SULF1: variants seen among roughly 807,000 people sequenced by gnomAD.
SULF1 encodes the protein extracellular sulfatase Sulf-1.
A neutral mutation model predicts 110.5 loss-of-function variants in SULF1; 46 were observed. The observed-to-expected ratio is 0.42, with a 90% CI of 0.33 to 0.53. The LOEUF is 0.53. Ranked by LOEUF, SULF1 falls within the 20% of genes least tolerant of loss-of-function variation. The pLI, the probability that SULF1 is intolerant of heterozygous loss-of-function variation, is 0.12. For synonymous variants in SULF1, 371 were observed against 387.1 expected, an observed-to-expected ratio of 0.96 and a Z score of 0.49; for missense variants, 941 against 1,094.2, an observed-to-expected ratio of 0.86 and a Z score of 1.98.
chr8:69,530,260 C>T (rs1255647917), intron 3 of SULF1, among the ~76,000 whole-genome samples: 2 of 151,992 alleles, frequency 1.3e-5, no homozygotes, highest in South Asian at 2.1e-4. Flanking sequence ...ACATCAGGCT[C>T]TTTGAGCAAA....
chr8:69,529,832 G>A (rs1048113628), intron 3 of SULF1, among the ~76,000 whole-genome samples: 2 of 152,174 alleles, frequency 1.3e-5, no homozygotes, highest in East Asian at 1.9e-4. Flanking sequence ...AAGCTGCAAA[G>A]TTTATTAGGA....
intron 5 of SULF1, among the ~76,000 whole-genome samples, chr8:69,568,265 T>C (rs941594631): frequency 2.0e-5 from 3 of 152,228 alleles, no homozygotes; most frequent in African/African-American, 4.8e-5. Context: ...TAGAATACTT[T>C]TCTCACTGGG....
At chr8:69,656,636 T>C (rs1446011299) in intron 22 of SULF1, among the ~76,000 whole-genome samples, 1 of 152,210 alleles carries the variant, frequency 6.6e-6, no homozygotes, top group Non-Finnish European at 1.5e-5. Context: ...TCCATGTCCC[T>C]GAATAGGAAA....
intron 3 of SULF1, among the ~76,000 whole-genome samples, chr8:69,561,147 G>A (rs1243789551): frequency 2.0e-5 from 3 of 152,122 alleles, no homozygotes; most frequent in Non-Finnish European, 4.4e-5. Context: ...CAAAAAAAAT[G>A]ATAAGCATGT....
rs575663134 is a variant in SULF1, at chr8:69,567,018, A to G, written c.172+2871A>G. Among the ~76,000 whole-genome samples, 11 of 152,352 alleles carry G rather than the reference A, an allele frequency of 7.2e-5. No homozygotes were observed. The South Asian group carries it at 1.9e-3, about 26-fold the overall frequency. ...ACCTGTATTAGATCTGAGTCTCCAC[A>G]GCTACGTATTTAACCACTGTCCCTT... On this transcript the variant is annotated intron_variant, in intron 5 of 22. Coordinates refer to ENST00000402687, the MANE Select transcript of SULF1 (RefSeq NM_001128205.2).
chr8:69,473,080 T>G (rs939624320), intron 1 of SULF1, among the ~76,000 whole-genome samples: 1 of 152,010 alleles, frequency 6.6e-6, no homozygotes, highest in African/African-American at 2.4e-5. Context: ...CCTCAAGTGG[T>G]CCTCCCAGTT....
chr8:69,611,722 T>C (rs1286621267), intron 13 of SULF1, among the ~76,000 whole-genome samples: 2 of 152,214 alleles, frequency 1.3e-5, no homozygotes, highest in Non-Finnish European at 2.9e-5. Context: ...GAGAACATGA[T>C]TTGACCTGCA....
At chr8:69,542,472 C>T (rs1160358541) in intron 3 of SULF1, among the ~76,000 whole-genome samples, 1 of 151,916 alleles carries the variant, frequency 6.6e-6, no homozygotes, top group Non-Finnish European at 1.5e-5. Context: ...TGGCTTCCTT[C>T]TCCACTTTGA....
chr8:69,620,961 AACT>A, intron 13 of SULF1, 71 bp from the exon 14 acceptor site: 1 of 1,319,304 alleles, frequency 7.6e-7, no homozygotes, highest in Non-Finnish European at 1.0e-6. Flanking sequence ...AAAAGAAAAA[AACT>A]AAGGCAGCAG....
chr8:69,658,639 G>A lies in SULF1; in HGVS notation c.*104G>A, dbSNP rs780949359. 48 of 932,612 alleles carry A rather than the reference G, an allele frequency of 5.1e-5. No individual in the cohort carries two copies. In the South Asian group the frequency reaches 5.6e-4, roughly 11 times the overall value. 57.8% of individuals were successfully genotyped at this position (932,612 alleles called of 1,614,324 possible). A position where few individuals can be genotyped will look rare whatever the true frequency, so the allele number is the denominator to read the frequency against. On this transcript the variant is annotated 3_prime_UTR_variant, in exon 23 of 23. Transcript: ENST00000402687. ...CAGACAAAACTACAGACTTAGTCTG[G>A]TGGACTGGACTAATTACTTGAAGGA...
At chr8:69,587,084 A>G (rs1806519777) in intron 7 of SULF1, among the ~76,000 whole-genome samples, 1 of 152,224 alleles carries the variant, frequency 6.6e-6, no homozygotes. Flanking sequence ...GTTCAGAGAA[A>G]CTGAAATCAA....
intron 3 of SULF1, among the ~76,000 whole-genome samples, chr8:69,508,892 G>T (rs774221784): frequency 6.6e-6 from 1 of 152,120 alleles, no homozygotes; most frequent in East Asian, 1.9e-4. Flanking sequence ...TGCTGGAGGC[G>T]TTATAGGTAT....
At chr8:69,574,604 C>G (rs1246061476) in intron 5 of SULF1, among the ~76,000 whole-genome samples, 1 of 152,204 alleles carries the variant, frequency 6.6e-6, no homozygotes. Flanking sequence ...GAATTTATTA[C>G]TGAAGACCAG....
At chr8:69,505,580 G>A (rs2725095) in intron 3 of SULF1, among the ~76,000 whole-genome samples, 62,721 of 151,890 alleles carry the variant, frequency 0.41, 13,686 homozygotes, top group East Asian at 0.78. Context: ...CTAAATGTAG[G>A]TGGTTTTTAA....
intron 22 of SULF1, among the ~76,000 whole-genome samples, chr8:69,650,262 G>A (rs764354373): frequency 7.9e-5 from 12 of 151,858 alleles, no homozygotes; most frequent in South Asian, 2.1e-4. Flanking sequence ...TCAACCTCCC[G>A]AATTGCTGGG....
At chr8:69,596,899 C>T (rs1228576357) in intron 8 of SULF1, among the ~76,000 whole-genome samples, 2 of 152,140 alleles carry the variant, frequency 1.3e-5, no homozygotes, top group East Asian at 3.9e-4. Context: ...AATCTCTTAA[C>T]CCCTACAAGA....
At chr8:69,609,065 G>A (rs1488079154) in intron 13 of SULF1, among the ~76,000 whole-genome samples, 1 of 151,956 alleles carries the variant, frequency 6.6e-6, no homozygotes, top group Non-Finnish European at 1.5e-5. Flanking sequence ...GGCCGAGCAC[G>A]GCAGCTTATG....
intron 1 of SULF1, among the ~76,000 whole-genome samples, chr8:69,485,737 C>T (rs1809678994): frequency 6.6e-6 from 1 of 152,250 alleles, no homozygotes; most frequent in Non-Finnish European, 1.5e-5. Context: ...CGTTCCCACA[C>T]TCCTGCCCTC....
intron 14 of SULF1, among the ~76,000 whole-genome samples, chr8:69,622,429 A>G (rs536872773): frequency 6.6e-6 from 1 of 152,286 alleles, no homozygotes; most frequent in South Asian, 2.1e-4. Flanking sequence ...AATTACAAAA[A>G]AAATTAGCTG....
Sources: allele counts gnomAD v4.1 joint callset (sites outside exome capture counted in the v4.1 genomes callset), GRCh38; gene constraint gnomAD v4.1.1; transcripts MANE v1.5; gene names NCBI Gene and HGNC (gene_info 2026-07-23, HGNC 2026-07-21).